The following USP6NL variants were observed in gnomAD, a reference collection of about 807,000 sequenced individuals.
USP6NL encodes USP6 N-terminal like.
Under a neutral mutation model 61.9 loss-of-function variants are expected in USP6NL, and 26 were observed. The observed-to-expected ratio is 0.42, with a 90% CI of 0.31 to 0.58. The LOEUF (loss-of-function observed/expected upper bound fraction) is 0.58, where lower values mean the gene tolerates loss of function less well. USP6NL is among the 20% of genes least tolerant of loss of function. The probability of loss-of-function intolerance (pLI) is 0.16; values close to 1 mark genes in which losing one functional copy is unlikely to be tolerated. For synonymous variants in USP6NL, 432 were observed against 390.1 expected, an observed-to-expected ratio of 1.11 and a Z score of -1.27; for missense variants, 1,114 against 1,034.3, an observed-to-expected ratio of 1.08 and a Z score of -1.06.
intron 14 of USP6NL, among the ~76,000 whole-genome samples, chr10:11,464,342 C>T (rs1372659569): frequency 6.6e-6 from 1 of 152,238 alleles, no homozygotes; most frequent in Non-Finnish European, 1.5e-5. Flanking sequence ...TGATGTGACA[C>T]TAATGGCTGG....
chr10:11,490,708 G>C lies in USP6NL; in HGVS notation c.543+124C>G. 1 of 932,532 alleles carries C rather than the reference G, an allele frequency of 1.1e-6. No homozygotes were observed. The highest frequency in any genetic ancestry group is 1.6e-6 in the Non-Finnish European group (1 of 616,472). 57.8% of individuals were successfully genotyped at this position (932,532 alleles called of 1,614,324 possible). A position where few individuals can be genotyped will look rare whatever the true frequency, so the allele number is the denominator to read the frequency against. ...GGGTTTCAGCTTAAAAAGATCCACA[G>C]AGCTAAAGAGACCATGGAGACCACC... is the stretch of plus-strand genomic sequence containing the variant. On this transcript the variant is annotated intron_variant, in intron 9 of 14. Coordinates refer to ENST00000609104, the MANE Select transcript of USP6NL (RefSeq NM_014688.5). This position sits in a 1 kb window ranked among gnomAD's most constrained non-coding sequence, Gnocchi z 4.5.
intron 2 of USP6NL, among the ~76,000 whole-genome samples, chr10:11,570,460 C>T (rs535332993): frequency 6.6e-6 from 1 of 152,116 alleles, no homozygotes; most frequent in Non-Finnish European, 1.5e-5. Context: ...ACAAGAGAGA[C>T]CTTCAAGGCC....
intron 6 of USP6NL, among the ~76,000 whole-genome samples, chr10:11,505,164 T>C (rs556012036): frequency 6.6e-6 from 1 of 152,220 alleles, no homozygotes; most frequent in East Asian, 1.9e-4. Context: ...GGAGTTCCTT[T>C]AGAGAAAATG....
chr10:11,519,357 C>T (rs1003819887), intron 4 of USP6NL, among the ~76,000 whole-genome samples: 11 of 152,182 alleles, frequency 7.2e-5, no homozygotes, highest in African/African-American at 2.7e-4. Context: ...TGGCTGGGTG[C>T]GGTGGCTCAC....
rs183115537 is a variant in USP6NL, at chr10:11,575,013, A to G, written c.4+22618T>C. On this transcript the variant is annotated intron_variant, in intron 2 of 14. Coordinates refer to ENST00000609104, the MANE Select transcript of USP6NL (RefSeq NM_014688.5). The surrounding 1 kb of genome is among the most constrained non-coding windows in gnomAD (Gnocchi z 4.2). ...ATAATGTATGCTCCATATGGGTGTT[A>G]GGTTCAGAAATCAGTGCTCCAAGCC... Among the ~76,000 whole-genome samples the G allele has an allele frequency of 8.9e-4, 136 of 152,324 alleles. No homozygotes were observed. Among genetic ancestry groups the G allele is most frequent in the African/African-American group, 2.9e-3 (121 of 41,578 alleles).
chr10:11,507,924 T>C (rs923280444), intron 6 of USP6NL, among the ~76,000 whole-genome samples: 2 of 152,240 alleles, frequency 1.3e-5, no homozygotes, highest in African/African-American at 4.8e-5. Flanking sequence ...GTTTGACCCA[T>C]GATAGTCTGC....
Position 11,478,830 on chromosome 10 carries a change from G to A in USP6NL, c.1078+2940C>T, listed in dbSNP as rs868726603. ...CTGAGGTGGGAGGATCACTTGAGCC[G>A]GGGAGGTCAAGGCTGCACTGAGCCA... is the stretch of plus-strand genomic sequence containing the variant. On this transcript the variant is annotated intron_variant, in intron 14 of 14. Transcript: ENST00000609104. This position sits in a 1 kb window ranked among gnomAD's most constrained non-coding sequence, Gnocchi z 6.8. Among the ~76,000 whole-genome samples the A allele has an allele frequency of 3.9e-5, 6 of 152,020 alleles. No homozygotes were observed. Among genetic ancestry groups the A allele is most frequent in the African/African-American group, 4.8e-5 (2 of 41,414 alleles).
At position 11,528,321 on chromosome 10, in the gene USP6NL, C is replaced by A. The variant is rs1324322788; in HGVS notation, c.5-754G>T. On this transcript the variant is annotated intron_variant, in intron 2 of 14. Transcript: ENST00000609104. This position sits in a 1 kb window ranked among gnomAD's most constrained non-coding sequence, Gnocchi z 4.6. Reference sequence around the variant, plus strand: ...TCTCTTACCAAAAAAAAAAAGCATTCTAAGAGAAAACTAGGCAAAGGTTAT... The same window carrying A: ...TCTCTTACCAAAAAAAAAAAGCATTATAAGAGAAAACTAGGCAAAGGTTAT... Among the ~76,000 whole-genome samples the A allele has an allele frequency of 6.6e-6, 1 of 151,452 alleles. No homozygotes were observed. Among genetic ancestry groups the A allele is most frequent in the Middle Eastern group, 3.2e-3 (1 of 316 alleles).
intron 6 of USP6NL, among the ~76,000 whole-genome samples, chr10:11,506,941 G>C (rs1383262585): frequency 6.6e-6 from 1 of 152,122 alleles, no homozygotes; most frequent in Non-Finnish European, 1.5e-5. Flanking sequence ...AACTAGGTGT[G>C]AATTGAAAGC....
intron 2 of USP6NL, among the ~76,000 whole-genome samples, chr10:11,565,897 C>T (rs2133551486): frequency 6.6e-6 from 1 of 150,846 alleles, no homozygotes; most frequent in Admixed American, 6.6e-5. Context: ...ATATTAATAG[C>T]AATACTGATT....
At chr10:11,550,553 CAAG>C (rs1836442779) in intron 2 of USP6NL, among the ~76,000 whole-genome samples, 1 of 152,006 alleles carries the variant, frequency 6.6e-6, no homozygotes. Context: ...GTCAGGAGTT[CAAG>C]ACCAGCCCAG....
At chr10:11,543,039 C>T (rs945846542) in intron 2 of USP6NL, among the ~76,000 whole-genome samples, 9 of 152,062 alleles carry the variant, frequency 5.9e-5, no homozygotes, top group African/African-American at 1.9e-4. Context: ...AGCTAAATAA[C>T]TTAGTAAAAA....
At chr10:11,530,395 T>C (rs1835608785) in intron 2 of USP6NL, among the ~76,000 whole-genome samples, 1 of 152,212 alleles carries the variant, frequency 6.6e-6, no homozygotes, top group Non-Finnish European at 1.5e-5. Context: ...AATGTCATTG[T>C]GGCAAACTAT....
chr10:11,466,530 T>C (rs1271742111), intron 14 of USP6NL, among the ~76,000 whole-genome samples: 1 of 152,244 alleles, frequency 6.6e-6, no homozygotes, highest in African/African-American at 2.4e-5. Context: ...ATCTATTTTA[T>C]AGATCCGCTA....
In USP6NL at chr10:11,598,522, C is replaced by T. The variant is rs745675829; in HGVS notation, c.-83-805G>A. Among the ~76,000 whole-genome samples, 53 of 152,038 alleles carry T rather than the reference C, an allele frequency of 3.5e-4. No individual in the cohort carries two copies. The highest frequency in any genetic ancestry group is 2.6e-4 in the Admixed American group (4 of 15,264). ...ATTAATATAGGTATAAATATTAATG[C>T]TATATTTAAACATAACCATGGATGC... On this transcript the variant is annotated intron_variant, in intron 1 of 14. Transcript: ENST00000609104. This position sits in a 1 kb window ranked among gnomAD's most constrained non-coding sequence, Gnocchi z 4.7.
At chr10:11,519,384 C>T (rs1379233877) in intron 4 of USP6NL, among the ~76,000 whole-genome samples, 1 of 152,230 alleles carries the variant, frequency 6.6e-6, no homozygotes, top group Admixed American at 6.5e-5. Context: ...AATCCCAACA[C>T]TTTGGGAGGC....
In USP6NL at chr10:11,597,640, G is replaced by C; in HGVS notation, c.-6C>G. Reference sequence around the variant, plus strand: ...GAAGCAGCGCACTTACTCATGACTGGAAATGGGTCTGAATGTTGTCCCAAT... The same window carrying C: ...GAAGCAGCGCACTTACTCATGACTGCAAATGGGTCTGAATGTTGTCCCAAT... On this transcript the variant is annotated 5_prime_UTR_variant, in exon 2 of 15. Coordinates refer to ENST00000609104, the MANE Select transcript of USP6NL (RefSeq NM_014688.5). The surrounding 1 kb of genome is among the most constrained non-coding windows in gnomAD (Gnocchi z 4.6). 1 of 1,551,544 alleles carries C rather than the reference G, an allele frequency of 6.4e-7. No individual in the cohort carries two copies. Among genetic ancestry groups the C allele is most frequent in the South Asian group, 1.2e-5 (1 of 84,052 alleles).
intron 2 of USP6NL, among the ~76,000 whole-genome samples, chr10:11,552,499 T>C (rs962954332): frequency 1.3e-5 from 2 of 152,232 alleles, no homozygotes; most frequent in African/African-American, 4.8e-5. Context: ...TTAAGATTAG[T>C]CCTTGAAATC....
chr10:11,592,036 A>G lies in USP6NL; in HGVS notation c.4+5595T>C, dbSNP rs1180878012. 1.3e-5 allele frequency among the ~76,000 whole-genome samples: 2 copies of G among 151,884 alleles called. No homozygotes were observed. Among genetic ancestry groups the G allele is most frequent in the East Asian group, 3.9e-4 (2 of 5,184 alleles). The stretch of plus-strand genomic sequence containing the variant: ...CGGCACCCACCACCATGCCCAGCTA[A>G]TTTTTTAGTATTTTTAGTAGAGACG... On this transcript the variant is annotated intron_variant, in intron 2 of 14. Coordinates refer to ENST00000609104, the MANE Select transcript of USP6NL (RefSeq NM_014688.5). This position sits in a 1 kb window ranked among gnomAD's most constrained non-coding sequence, Gnocchi z 4.7.
Sources: allele counts gnomAD v4.1 joint callset (sites outside exome capture counted in the v4.1 genomes callset), GRCh38; gene constraint gnomAD v4.1.1; non-coding constraint Gnocchi (gnomAD v3.1); transcripts MANE v1.5; gene names NCBI Gene and HGNC (gene_info 2026-07-23, HGNC 2026-07-21).